Variants in DYNC2I2 observed in about 807,000 individuals in gnomAD.
DYNC2I2 encodes the protein cytoplasmic dynein 2 intermediate chain 2.
In DYNC2I2, 39 loss-of-function variants were observed where a neutral mutation model predicts 52.0. The ratio of observed to expected loss-of-function variants is 0.75; its 90% CI spans 0.58 to 0.98. The LOEUF is 0.98. Ranked by LOEUF, DYNC2I2 falls within the 50% of genes least tolerant of loss-of-function variation. The pLI is 0.00. For missense variants in DYNC2I2, 743 were observed against 728.4 expected (o/e 1.02, Z -0.23); for synonymous variants, 359 against 321.1 (o/e 1.12, Z -1.26).
At chr9:128,669,118 C>A in the DYNC2I2 span, among the ~76,000 whole-genome samples, 3 of 152,112 alleles carry the variant, frequency 2.0e-5, no homozygotes, top group South Asian at 6.2e-4. Flanking sequence ...GTAATCCCAG[C>A]ACTTTGGGAG....
At position 128,634,683 on chromosome 9, in the gene DYNC2I2, A is replaced by G. The variant is rs1860334351; in HGVS notation, c.1214+6T>C. Reference sequence around the variant, plus strand: ...CCCCACTGTGCCCCAGGCCTGCCCTACGTACCTGTGGAAGGGGGAACAGCT... The same window carrying G: ...CCCCACTGTGCCCCAGGCCTGCCCTGCGTACCTGTGGAAGGGGGAACAGCT... On this transcript the variant is annotated splice_donor_region_variant and intron_variant, in intron 7 of 8. Transcript: ENST00000372715. 2 of 1,543,634 alleles carry G rather than the reference A, an allele frequency of 1.3e-6. No homozygotes were observed. The highest frequency in any genetic ancestry group is 1.8e-6 in the Non-Finnish European group (2 of 1,142,430).
chr9:128,644,845 C>T lies in DYNC2I2; in HGVS notation c.187-3906G>A, dbSNP rs76672666. Among the ~76,000 whole-genome samples the T allele has an allele frequency of 2.7e-3, 412 of 152,320 alleles. 9 individuals are homozygous for T. The East Asian group carries it at 0.04, about 15-fold the overall frequency. On this transcript the variant is annotated intron_variant, in intron 1 of 8. Transcript: ENST00000372715. ...ATTCTCACACTATTTCAAATTTATTCATTCTTATTATATCTGCTACACTGA... is the reference window on the plus strand; with the variant it reads ...ATTCTCACACTATTTCAAATTTATTTATTCTTATTATATCTGCTACACTGA...
At chr9:128,662,448 G>T in the DYNC2I2 span, among the ~76,000 whole-genome samples, 1 of 151,802 alleles carries the variant, frequency 6.6e-6, no homozygotes, top group Non-Finnish European at 1.5e-5. Flanking sequence ...TTTTGCTCTT[G>T]TTGCCCAGGC....
chr9:128,683,286 T>TTC, the DYNC2I2 span: 1 of 177,324 alleles, frequency 5.6e-6, no homozygotes, highest in Non-Finnish European at 1.2e-5. Flanking sequence ...CTTCTTTTTT[T>TTC]TTTTTTTAAA....
the DYNC2I2 span, among the ~76,000 whole-genome samples, chr9:128,680,441 G>A: frequency 9.9e-4 from 150 of 151,796 alleles, no homozygotes; most frequent in African/African-American, 3.3e-3. Context: ...GCAGTGGCGC[G>A]ATCTCGGCTC....
At chr9:128,665,085 C>T in the DYNC2I2 span, among the ~76,000 whole-genome samples, 1 of 147,272 alleles carries the variant, frequency 6.8e-6, no homozygotes, top group Admixed American at 6.9e-5. Flanking sequence ...TAGAGTCTCG[C>T]TCTGTCACCC....
Position 128,640,712 on chromosome 9 carries a change from G to A in DYNC2I2, c.414C>T (p.Asn138=), listed in dbSNP as rs1209541943. ...QSHAFDGFEV[N]WTEQQQMVSC... The stretch of plus-strand genomic sequence containing the variant: ...CTACCATCTGCTGCTGCTCGGTCCA[G>A]TTCACCTCGAAGCCATCAAACGCGT... Residue 138 remains asparagine, a synonymous_variant, in exon 2 of 9, where the codon AAC becomes AAT. Transcript: ENST00000372715. 1.9e-6 allele frequency: 3 copies of A among 1,614,006 alleles called. No homozygotes were observed. The highest frequency in any genetic ancestry group is 2.5e-6 in the Non-Finnish European group (3 of 1,180,024).
At chr9:128,659,494 C>CA (rs1236369943), upstream of DYNC2I2, among the ~76,000 whole-genome samples, 2,424 of 69,708 alleles carry the variant, frequency 0.035, 89 homozygotes, top group East Asian at 0.19. Context: ...GACTCCGTCT[C>CA]AAAAAAAAAA....
At chr9:128,683,735 G>A in the DYNC2I2 span, 10 of 563,278 alleles carry the variant, frequency 1.8e-5, no homozygotes, top group Admixed American at 3.4e-5. Context: ...GCTGGGGGAG[G>A]GGGCCGGGGT....
the DYNC2I2 span, among the ~76,000 whole-genome samples, chr9:128,668,442 C>T: frequency 2.0e-5 from 3 of 151,816 alleles, no homozygotes; most frequent in Non-Finnish European, 4.4e-5. Context: ...CCCGCCTTGG[C>T]GTGAGCCACT....
the DYNC2I2 span, among the ~76,000 whole-genome samples, chr9:128,682,919 G>A: frequency 1.3e-5 from 2 of 149,710 alleles, no homozygotes; most frequent in Admixed American, 6.7e-5. Context: ...CTCGTGATCC[G>A]CCTGCCTCAG....
chr9:128,633,991 A>G lies in DYNC2I2; in HGVS notation c.1373-9T>C, dbSNP rs1378964187. The G allele has an allele frequency of 2.5e-6, 4 of 1,612,734 alleles. No individual in the cohort carries two copies. The African/African-American group carries it at 4.0e-5, about 16-fold the overall frequency. On this transcript the variant is annotated splice_polypyrimidine_tract_variant and intron_variant, in intron 8 of 8. Coordinates refer to ENST00000372715, the MANE Select transcript of DYNC2I2 (RefSeq NM_052844.4). ...AAACAGCTGCACGTCACCTGCAAAG[A>G]GAGACAGATACGTGGAGTAAGAGAA...
upstream of DYNC2I2, among the ~76,000 whole-genome samples, chr9:128,658,492 C>T (rs1054466702): frequency 6.6e-6 from 1 of 151,534 alleles, no homozygotes; most frequent in Non-Finnish European, 1.5e-5. Flanking sequence ...GACAGAGTCT[C>T]GCTTTGTCGT....
the DYNC2I2 span, among the ~76,000 whole-genome samples, chr9:128,679,810 G>A: frequency 6.6e-6 from 1 of 151,744 alleles, no homozygotes; most frequent in Non-Finnish European, 1.5e-5. Context: ...TTGCGCCACT[G>A]CATTCCAGCC....
rs34804977 is a variant in DYNC2I2 at position 128,655,511 on chromosome 9, C to CA, written c.186+1029dup. Reference sequence around the variant, plus strand: ...GGGCGACAGAGCGAGACTCCGTCTCCAAAAAAAAAAAAAAGAGAAAGAAAC... The same window carrying CA: ...GGGCGACAGAGCGAGACTCCGTCTCCAAAAAAAAAAAAAAAGAGAAAGAAAC... On this transcript the variant is annotated intron_variant, in intron 1 of 8. Transcript: ENST00000372715. Among the ~76,000 whole-genome samples the CA allele has an allele frequency of 5.7e-4, 68 of 119,854 alleles. 1 individual carries two copies. Among genetic ancestry groups the CA allele is most frequent in the East Asian group, 1.5e-3 (6 of 3,990 alleles). 78.6% of individuals were successfully genotyped at this position (119,854 alleles called of 152,430 possible). A position where few individuals can be genotyped will look rare whatever the true frequency, so the allele number is the denominator to read the frequency against.
At chr9:128,665,444 A>T in the DYNC2I2 span, among the ~76,000 whole-genome samples, 1 of 152,090 alleles carries the variant, frequency 6.6e-6, no homozygotes, top group African/African-American at 2.4e-5. Context: ...CTTTCTCATA[A>T]AAAGTACTTA....
chr9:128,641,378 G>T (rs189933614), intron 1 of DYNC2I2, among the ~76,000 whole-genome samples: 1 of 151,986 alleles, frequency 6.6e-6, no homozygotes, highest in Non-Finnish European at 1.5e-5. Context: ...CTCCCTCAAC[G>T]GGCAGCCCTC....
chr9:128,658,126 A>T (rs995005634), upstream of DYNC2I2, among the ~76,000 whole-genome samples: 3 of 151,622 alleles, frequency 2.0e-5, no homozygotes, highest in South Asian at 2.1e-4. Flanking sequence ...ACAAAATAAT[A>T]AAAAAATTCT....
At chr9:128,659,776 C>T (rs182856643), upstream of DYNC2I2, among the ~76,000 whole-genome samples, 1 of 151,816 alleles carries the variant, frequency 6.6e-6, no homozygotes, top group Admixed American at 6.6e-5. Flanking sequence ...GGCGTGGTGG[C>T]ACATGCCTAT....
Sources: gnomAD v4.1 joint callset for allele counts (sites outside exome capture counted in the v4.1 genomes callset) on GRCh38, gnomAD v4.1.1 for gene constraint, MANE v1.5 for transcripts, NCBI Gene and HGNC (gene_info 2026-07-23, HGNC 2026-07-21) for gene names.